The following KCNK2 variants were observed in gnomAD, a reference collection of about 807,000 sequenced individuals.
KCNK2 encodes the protein potassium two pore domain channel subfamily K member 2, also known as potassium channel subfamily K member 2.
KCNK2 carries 21 observed loss-of-function variants against 40.5 expected under a neutral mutation model. The ratio of observed to expected loss-of-function variants is 0.52; its 90% CI spans 0.37 to 0.75. The LOEUF (loss-of-function observed/expected upper bound fraction) is 0.75. Among genes scored for constraint, KCNK2 ranks in the 30% least tolerant of loss-of-function variants. The pLI, the probability that KCNK2 is intolerant of heterozygous loss-of-function variation, is 0.00. For synonymous variants in KCNK2, 191 were observed against 202.2 expected (o/e 0.94, Z 0.47); for missense variants, 399 against 531.6 (o/e 0.75, Z 2.45).
chr1:215,111,019 C>T (rs910152962), intron 2 of KCNK2, among the ~76,000 whole-genome samples: 4 of 152,158 alleles, frequency 2.6e-5, no homozygotes, highest in African/African-American at 9.7e-5. Context: ...TAAATCCTGA[C>T]AATCACAGTC....
intron 3 of KCNK2, among the ~76,000 whole-genome samples, chr1:215,148,134 C>T (rs1662517586): frequency 8.2e-6 from 1 of 122,574 alleles, no homozygotes; most frequent in South Asian, 2.4e-4. Context: ...GCGGGAGATG[C>T]AGTGGTGTGA....
intron 3 of KCNK2, among the ~76,000 whole-genome samples, chr1:215,160,214 A>G (rs188038077): frequency 1.0e-3 from 159 of 152,312 alleles, no homozygotes; most frequent in African/African-American, 3.7e-3. Flanking sequence ...CTTAAGAGAA[A>G]GCCCTGTTTT....
chr1:215,191,479 T>C (rs895182086), intron 5 of KCNK2, among the ~76,000 whole-genome samples: 8 of 152,062 alleles, frequency 5.3e-5, no homozygotes, highest in African/African-American at 1.9e-4. Context: ...CAGCCTGAAC[T>C]TTCCTGAGCT....
chr1:215,035,928 G>GT (rs35528319), intron 1 of KCNK2, among the ~76,000 whole-genome samples: 38 of 150,270 alleles, frequency 2.5e-4, no homozygotes, highest in South Asian at 2.1e-3. Context: ...GTTTTGAGGA[G>GT]TTTTTTTTTT....
intron 1 of KCNK2, among the ~76,000 whole-genome samples, chr1:215,050,892 C>T (rs1323980921): frequency 2.0e-5 from 3 of 152,136 alleles, no homozygotes; most frequent in Non-Finnish European, 4.4e-5. Flanking sequence ...GGCATCATTA[C>T]ACTATGGGGA....
intron 3 of KCNK2, among the ~76,000 whole-genome samples, chr1:215,151,601 T>C (rs1157546943): frequency 1.3e-5 from 2 of 152,140 alleles, no homozygotes; most frequent in African/African-American, 4.8e-5. Flanking sequence ...TATTGTAAAG[T>C]GCATTATATT....
At chr1:215,028,145 G>C (rs1657060050) in intron 1 of KCNK2, among the ~76,000 whole-genome samples, 1 of 152,116 alleles carries the variant, frequency 6.6e-6, no homozygotes, top group Admixed American at 6.5e-5. Context: ...CCAACACTTT[G>C]GGAGGCCAAG....
chr1:215,225,448 T>C (rs1026656808), intron 6 of KCNK2, among the ~76,000 whole-genome samples: 1 of 152,248 alleles, frequency 6.6e-6, no homozygotes, highest in Non-Finnish European at 1.5e-5. Context: ...CTATAAATTA[T>C]TGACTTTTAT....
chr1:215,015,448 T>G (rs1226257644), intron 1 of KCNK2, among the ~76,000 whole-genome samples: 1 of 152,108 alleles, frequency 6.6e-6, no homozygotes, highest in African/African-American at 2.4e-5. Flanking sequence ...CTGAACCACA[T>G]AAAATTGAGG....
At chr1:215,117,492 G>T (rs1467082756) in intron 2 of KCNK2, among the ~76,000 whole-genome samples, 1 of 152,038 alleles carries the variant, frequency 6.6e-6, no homozygotes, top group Non-Finnish European at 1.5e-5. Context: ...CCTTAATTCT[G>T]CAGTAATAAA....
chr1:215,067,874 A>G (rs1482551544), intron 1 of KCNK2, among the ~76,000 whole-genome samples: 1 of 152,088 alleles, frequency 6.6e-6, no homozygotes, highest in Non-Finnish European at 1.5e-5. Flanking sequence ...CTCAAAAAAA[A>G]ATTACTTTCA....
intron 5 of KCNK2, among the ~76,000 whole-genome samples, chr1:215,175,724 C>A (rs1663938962): frequency 6.6e-6 from 1 of 152,058 alleles, no homozygotes; most frequent in South Asian, 2.1e-4. Context: ...TTGTTTAGCT[C>A]CCACTTATAA....
chr1:215,194,738 T>G (rs957488707), intron 5 of KCNK2, among the ~76,000 whole-genome samples: 10 of 152,128 alleles, frequency 6.6e-5, no homozygotes, highest in African/African-American at 2.4e-4. Context: ...CAATGAAAGT[T>G]TTCATTAAGA....
At chr1:215,195,208 T>TAAA in intron 6 of KCNK2, 116 bp downstream of exon 6, 1 of 860,910 alleles carries the variant, frequency 1.2e-6, no homozygotes, top group Non-Finnish European at 1.7e-6. Flanking sequence ...GTTAATATTT[T>TAAA]CTATTTGGCA....
At chr1:215,088,875 A>G (rs1659572940) in intron 2 of KCNK2, among the ~76,000 whole-genome samples, 2 of 152,192 alleles carry the variant, frequency 1.3e-5, no homozygotes, top group Non-Finnish European at 1.5e-5. Flanking sequence ...TTGCTTCATA[A>G]AAATCTTTTT....
chr1:215,175,297 G>A (rs556390905), intron 5 of KCNK2, among the ~76,000 whole-genome samples: 1 of 152,106 alleles, frequency 6.6e-6, no homozygotes, highest in Non-Finnish European at 1.5e-5. Flanking sequence ...GCCCATAACA[G>A]TGGCAAAGAC....
intron 6 of KCNK2, 144 bp from the exon 7 acceptor site, chr1:215,234,684 A>C: frequency 1.4e-6 from 1 of 716,488 alleles, no homozygotes; most frequent in Non-Finnish European, 2.3e-6. Context: ...GCCTAATTTC[A>C]TCAATTCTCA....
chr1:215,185,433 C>T (rs1664395687), intron 5 of KCNK2, among the ~76,000 whole-genome samples: 1 of 152,066 alleles, frequency 6.6e-6, no homozygotes, highest in Non-Finnish European at 1.5e-5. Context: ...GGCTGGGTAG[C>T]AGATGTGTGC....
intron 2 of KCNK2, among the ~76,000 whole-genome samples, chr1:215,091,363 T>C (rs1440502020): frequency 6.6e-6 from 1 of 152,154 alleles, no homozygotes; most frequent in African/African-American, 2.4e-5. Flanking sequence ...ATCCTAGGCC[T>C]ACTCCTCCAC....
Sources: gnomAD v4.1 joint callset for allele counts (sites outside exome capture counted in the v4.1 genomes callset) on GRCh38, gnomAD v4.1.1 for gene constraint, MANE v1.5 for transcripts, NCBI Gene and HGNC (gene_info 2026-07-23, HGNC 2026-07-21) for gene names.